Variants in KIF26B observed in about 807,000 individuals in gnomAD.
The protein encoded by KIF26B is kinesin family member 26B, also known as kinesin-like protein KIF26B.
KIF26B carries 63 observed loss-of-function variants against 151.2 expected under a neutral mutation model. The ratio of observed to expected loss-of-function variants is 0.42; its 90% CI spans 0.34 to 0.51. The LOEUF (loss-of-function observed/expected upper bound fraction) is 0.51. KIF26B is among the 20% of genes least tolerant of loss of function. The pLI is 0.07. For synonymous variants in KIF26B, 1,357 were observed against 1,262.1 expected (o/e 1.08, Z -1.59); for missense variants, 2,813 against 2,913.6 (o/e 0.97, Z 0.79).
At chr1:245,494,157 T>G (rs1660463766) in intron 4 of KIF26B, among the ~76,000 whole-genome samples, 1 of 151,918 alleles carries the variant, frequency 6.6e-6, no homozygotes, top group African/African-American at 2.4e-5. Flanking sequence ...ATACAGAAAC[T>G]TAGCTGGGCA....
rs1009012525 is a variant in KIF26B at position 245,512,857 on chromosome 1, C to T, written c.1167-27910C>T. Among the ~76,000 whole-genome samples, 8 of 152,142 alleles carry T rather than the reference C, an allele frequency of 5.3e-5. No homozygotes were observed. Among genetic ancestry groups the T allele is most frequent in the Non-Finnish European group, 8.8e-5 (6 of 68,000 alleles). On this transcript the variant is annotated intron_variant, in intron 4 of 14. Coordinates refer to ENST00000407071, the MANE Select transcript of KIF26B (RefSeq NM_018012.4). The surrounding 1 kb of genome is among the most constrained non-coding windows in gnomAD (Gnocchi z 4.3). Reference sequence around the variant, plus strand: ...AGAGGCTTGAAGCAGAGTGGAAAACCTAGAGCAAAAATCATGCCGGGGAAA... The same window carrying T: ...AGAGGCTTGAAGCAGAGTGGAAAACTTAGAGCAAAAATCATGCCGGGGAAA...
chr1:245,301,682 G>C (rs1337838853), intron 2 of KIF26B, among the ~76,000 whole-genome samples: 3 of 152,210 alleles, frequency 2.0e-5, no homozygotes, highest in Admixed American at 2.0e-4. Context: ...CTTCAGAAGA[G>C]AGGAAATGTT....
chr1:245,162,375 C>CTTTTTTTTTTTTTTT, intron 2 of KIF26B, among the ~76,000 whole-genome samples: 1 of 76,494 alleles, frequency 1.3e-5, no homozygotes, highest in African/African-American at 5.1e-5. Flanking sequence ...TCAGAAATAT[C>CTTTTTTTTTTTTTTT]TTTTTTTTTT....
chr1:245,358,395 C>G lies in KIF26B; in HGVS notation c.466-8439C>G, dbSNP rs1185617294. On this transcript the variant is annotated intron_variant, in intron 2 of 14. Transcript: ENST00000407071. The surrounding 1 kb of genome is among the most constrained non-coding windows in gnomAD (Gnocchi z 4.1). ...ATTAGCCAGGCGTGGTGATGGGTGC[C>G]TGTAGTCCCAGCTACTCGGGAGGCT... Among the ~76,000 whole-genome samples the G allele has an allele frequency of 1.3e-5, 2 of 152,118 alleles. No individual in the cohort carries two copies. The highest frequency in any genetic ancestry group is 4.8e-5 in the African/African-American group (2 of 41,422).
At chr1:245,396,551 G>T (rs1029491348) in intron 3 of KIF26B, among the ~76,000 whole-genome samples, 3 of 151,796 alleles carry the variant, frequency 2.0e-5, no homozygotes, top group East Asian at 3.9e-4. Flanking sequence ...CAGGAGAATC[G>T]CTTGAACCCG....
rs769468332 is a variant in KIF26B, at chr1:245,684,246, G to A, written c.2272G>A (p.Ala758Thr). ...KHIPYKESKL[A>T]MLLRESLGNM... ...TTTGTTTGGCAGAGAGAGCAAGCTC[G>A]CCATGTTGCTGCGGGAGTCTCTGGG... Residue 758 changes from alanine (A) to threonine (T), a missense_variant, in exon 11 of 15, where the codon GCC becomes ACC. Coordinates refer to ENST00000407071, the MANE Select transcript of KIF26B (RefSeq NM_018012.4). 1.7e-5 allele frequency: 27 copies of A among 1,613,142 alleles called. No homozygotes were observed. The highest frequency in any genetic ancestry group is 1.5e-4 in the South Asian group (14 of 91,050).
intron 10 of KIF26B, among the ~76,000 whole-genome samples, chr1:245,647,437 A>AAG (rs2043963557): frequency 1.3e-5 from 2 of 149,888 alleles, no homozygotes; most frequent in Non-Finnish European, 3.0e-5. Flanking sequence ...AAAAAAAAAA[A>AAG]AAAAAAGAAA....
rs765359439 is a variant in KIF26B at position 245,358,019 on chromosome 1, G to A, written c.466-8815G>A. ...GCATCCTCAGCCTCCTGGGCTCAAG[G>A]GATCCTCCCACCTCAGCCTCCTGAG... On this transcript the variant is annotated intron_variant, in intron 2 of 14. Transcript: ENST00000407071. The surrounding 1 kb of genome is among the most constrained non-coding windows in gnomAD (Gnocchi z 4.1). Among the ~76,000 whole-genome samples, 2 of 152,012 alleles carry A rather than the reference G, an allele frequency of 1.3e-5. No individual in the cohort carries two copies. Among genetic ancestry groups the A allele is most frequent in the Non-Finnish European group, 2.9e-5 (2 of 67,990 alleles).
rs904219096 is a variant in KIF26B at position 245,488,741 on chromosome 1, T to A, written c.1167-52026T>A. On this transcript the variant is annotated intron_variant, in intron 4 of 14. Transcript: ENST00000407071. The surrounding 1 kb of genome is among the most constrained non-coding windows in gnomAD (Gnocchi z 4.6). ...AGCTTTAAGAAGATTATTATAATTATCTCAAGGCACTGAAGGGCTGCTTCA... is the reference window on the plus strand; with the variant it reads ...AGCTTTAAGAAGATTATTATAATTAACTCAAGGCACTGAAGGGCTGCTTCA... Among the ~76,000 whole-genome samples, 1 of 152,182 alleles carries A rather than the reference T, an allele frequency of 6.6e-6. No homozygotes were observed. Among genetic ancestry groups the A allele is most frequent in the African/African-American group, 2.4e-5 (1 of 41,434 alleles).
intron 2 of KIF26B, among the ~76,000 whole-genome samples, chr1:245,238,317 C>A (rs1670151799): frequency 6.6e-6 from 1 of 152,138 alleles, no homozygotes; most frequent in Non-Finnish European, 1.5e-5. Context: ...GCCTGCGTGA[C>A]AGAAACTTCA....
chr1:245,686,970 C>CAG lies in KIF26B; in HGVS notation c.3993_3994dup (p.Lys1332ArgfsTer35). 6.2e-7 allele frequency: 1 copy of CAG among 1,613,518 alleles called. No homozygotes were observed. Among genetic ancestry groups the CAG allele is most frequent in the Non-Finnish European group, 8.5e-7 (1 of 1,179,810 alleles). On this transcript the variant is annotated frameshift_variant, in exon 12 of 15. Coordinates refer to ENST00000407071, the MANE Select transcript of KIF26B (RefSeq NM_018012.4). LOFTEE classifies it high-confidence loss of function. This position sits in a 1 kb window ranked among gnomAD's most constrained non-coding sequence, Gnocchi z 5.6. ...GCCTCCAGAACACCGCTGTGGTGTGCAGAGAGAAGCCCAAGGCCAGCCCCG... is the reference window on the plus strand; with the variant it reads ...GCCTCCAGAACACCGCTGTGGTGTGCAGAGAGAGAAGCCCAAGGCCAGCCCCG...
chr1:245,548,767 G>A (rs12031673), intron 5 of KIF26B, among the ~76,000 whole-genome samples: 54,363 of 149,934 alleles, frequency 0.36, 10,048 homozygotes, highest in Middle Eastern at 0.39. Flanking sequence ...TTTAAAAACA[G>A]GGTTTCACTC....
At position 245,488,471 on chromosome 1, in the gene KIF26B, C is replaced by G. The variant is rs1292259345; in HGVS notation, c.1167-52296C>G. On this transcript the variant is annotated intron_variant, in intron 4 of 14. Transcript: ENST00000407071. The surrounding 1 kb of genome is among the most constrained non-coding windows in gnomAD (Gnocchi z 4.6). The stretch of plus-strand genomic sequence containing the variant: ...TTCAGAGGATATGAAGGACAAGGGA[C>G]TGAGCCATGACACCTGTCACTTCCC... 1.3e-5 allele frequency among the ~76,000 whole-genome samples: 2 copies of G among 152,166 alleles called. No homozygotes were observed. Among genetic ancestry groups the G allele is most frequent in the Non-Finnish European group, 2.9e-5 (2 of 68,038 alleles).
chr1:245,261,029 GTCTT>G (rs963223246), intron 2 of KIF26B, among the ~76,000 whole-genome samples: 3 of 116,654 alleles, frequency 2.6e-5, no homozygotes, highest in Admixed American at 1.7e-4. Context: ...CTTCCTCTCT[GTCTT>G]TCTTTCTTTT....
chr1:245,701,115 G>A (rs1377932663), intron 14 of KIF26B, among the ~76,000 whole-genome samples: 2 of 152,162 alleles, frequency 1.3e-5, no homozygotes, highest in African/African-American at 4.8e-5. Flanking sequence ...GGAAACAATT[G>A]CTTCCTTCTA....
At chr1:245,670,078 A>G (rs2044264422) in intron 10 of KIF26B, among the ~76,000 whole-genome samples, 1 of 152,118 alleles carries the variant, frequency 6.6e-6, no homozygotes, top group African/African-American at 2.4e-5. Context: ...CCTCACCACT[A>G]TACAGTTCAT....
chr1:245,540,260 C>T lies in KIF26B; in HGVS notation c.1167-507C>T, dbSNP rs1182367588. Among the ~76,000 whole-genome samples the T allele has an allele frequency of 6.6e-6, 1 of 152,216 alleles. No individual in the cohort carries two copies. The highest frequency in any genetic ancestry group is 1.5e-5 in the Non-Finnish European group (1 of 68,048). ...ATTTCTAAAACCAGTTTGATTTTTC[C>T]TGTTGCACTGGGGCTTGTGTTTTTC... On this transcript the variant is annotated intron_variant, in intron 4 of 14. Transcript: ENST00000407071. This position sits in a 1 kb window ranked among gnomAD's most constrained non-coding sequence, Gnocchi z 4.6.
At chr1:245,219,013 A>G (rs1459910521) in intron 2 of KIF26B, among the ~76,000 whole-genome samples, 1 of 151,634 alleles carries the variant, frequency 6.6e-6, no homozygotes, top group Non-Finnish European at 1.5e-5. Flanking sequence ...CTCTCTGGGA[A>G]GATGTCCTCT....
rs537929607 is a variant in KIF26B, at chr1:245,697,504, T to A, written c.5825-602T>A. Among the ~76,000 whole-genome samples, 13 of 152,284 alleles carry A rather than the reference T, an allele frequency of 8.5e-5. No individual in the cohort carries two copies. In the South Asian group the frequency reaches 2.5e-3, roughly 29 times the overall value. ...TGTAATGACATCAAATGCTAGGACC[T>A]TTTGACCTATCCATGCTGAGGATGC... On this transcript the variant is annotated intron_variant, in intron 12 of 14. Coordinates refer to ENST00000407071, the MANE Select transcript of KIF26B (RefSeq NM_018012.4).
Sources: gnomAD v4.1 joint callset for allele counts (sites outside exome capture counted in the v4.1 genomes callset) on GRCh38, gnomAD v4.1.1 for gene constraint, Gnocchi (gnomAD v3.1) non-coding constraint, MANE v1.5 for transcripts, NCBI Gene and HGNC (gene_info 2026-07-23, HGNC 2026-07-21) for gene names.